RBFOX3: variants seen among roughly 807,000 people sequenced by gnomAD.
The protein encoded by RBFOX3 is RNA binding protein fox-1 homolog 3.
In RBFOX3, 17 loss-of-function variants were observed where a neutral mutation model predicts 48.7. That is an observed-to-expected ratio of 0.35 (90% confidence interval 0.24 to 0.52). The LOEUF is 0.52. Ranked by LOEUF, RBFOX3 falls within the 20% of genes least tolerant of loss-of-function variation. The pLI is 0.94. For missense variants in RBFOX3, 382 were observed against 497.5 expected, an observed-to-expected ratio of 0.77 and a Z score of 2.21; for synonymous variants, 212 against 209.5, an observed-to-expected ratio of 1.01 and a Z score of -0.10.
intron 4 of RBFOX3, among the ~76,000 whole-genome samples, chr17:79,131,349 G>A (rs1568190489): frequency 6.6e-6 from 1 of 152,246 alleles, no homozygotes; most frequent in African/African-American, 2.4e-5. Flanking sequence ...TAGAGCGTCT[G>A]TGCTTCTGGA....
intron 4 of RBFOX3, among the ~76,000 whole-genome samples, chr17:79,168,290 C>A (rs562504512): frequency 1.4e-4 from 21 of 152,236 alleles, no homozygotes; most frequent in Non-Finnish European, 2.2e-4. Flanking sequence ...ATACTTCCAA[C>A]CCTAAATTAA....
chr17:79,197,327 T>G (rs2055815267), intron 4 of RBFOX3, among the ~76,000 whole-genome samples: 1 of 151,692 alleles, frequency 6.6e-6, no homozygotes, highest in African/African-American at 2.4e-5. Flanking sequence ...ACACTGCCAT[T>G]CACTGCACTC....
chr17:79,183,906 C>T (rs2052800428), intron 4 of RBFOX3, among the ~76,000 whole-genome samples: 1 of 152,192 alleles, frequency 6.6e-6, no homozygotes, highest in East Asian at 1.9e-4. Flanking sequence ...CTGCGCGCCC[C>T]TCCTCCCCCC....
At chr17:79,588,043 T>A (rs2093309105) in intron 1 of RBFOX3, among the ~76,000 whole-genome samples, 1 of 152,172 alleles carries the variant, frequency 6.6e-6, no homozygotes, top group African/African-American at 2.4e-5. Flanking sequence ...CTCACTATAT[T>A]GCTGGACTTG....
chr17:79,410,357 T>C (rs1189152223), intron 2 of RBFOX3, among the ~76,000 whole-genome samples: 2 of 152,212 alleles, frequency 1.3e-5, no homozygotes, highest in African/African-American at 2.4e-5. Flanking sequence ...GCAGGCAGAG[T>C]TCCAGGTCAG....
chr17:79,594,199 G>A, intron 1 of RBFOX3, among the ~76,000 whole-genome samples: 1 of 152,128 alleles, frequency 6.6e-6, no homozygotes, highest in East Asian at 1.9e-4. Context: ...TCAGAGCTAA[G>A]GGCTGAGACG....
At chr17:79,209,652 T>G (rs1008491555) in intron 4 of RBFOX3, among the ~76,000 whole-genome samples, 1 of 152,144 alleles carries the variant, frequency 6.6e-6, no homozygotes, top group African/African-American at 2.4e-5. Flanking sequence ...CGAGGTTGCC[T>G]GCAGAGACAC....
rs118139409 is a variant in RBFOX3 at position 79,214,406 on chromosome 17, G to A, written c.-34+21360C>T. Among the ~76,000 whole-genome samples, 941 of 152,336 alleles carry A rather than the reference G, an allele frequency of 6.2e-3. 5 individuals carry two copies. The highest frequency in any genetic ancestry group is 0.017 in the Middle Eastern group (5 of 294). ...CTCCCGCCCGCAGGTCCAGCAACCAGGGAGGGTGGGGGCTCTCTTCTTGAG... is the reference window on the plus strand; with the variant it reads ...CTCCCGCCCGCAGGTCCAGCAACCAAGGAGGGTGGGGGCTCTCTTCTTGAG... On this transcript the variant is annotated intron_variant, in intron 4 of 14. Transcript: ENST00000693108. The surrounding 1 kb of genome is among the most constrained non-coding windows in gnomAD (Gnocchi z 4.7).
At chr17:79,133,557 T>C (rs1461874246) in intron 4 of RBFOX3, among the ~76,000 whole-genome samples, 3 of 152,202 alleles carry the variant, frequency 2.0e-5, no homozygotes, top group African/African-American at 7.2e-5. Flanking sequence ...GGTGTCCAAA[T>C]ACCTCCTCTG....
intron 5 of RBFOX3, among the ~76,000 whole-genome samples, chr17:79,114,104 G>A (rs2033068604): frequency 6.6e-6 from 1 of 152,206 alleles, no homozygotes; most frequent in South Asian, 2.1e-4. Flanking sequence ...GAGCAGATAA[G>A]CTGTGTCTAC....
intron 1 of RBFOX3, among the ~76,000 whole-genome samples, chr17:79,565,093 G>C (rs1394658617): frequency 6.7e-6 from 1 of 149,678 alleles, no homozygotes; most frequent in Non-Finnish European, 1.5e-5. Flanking sequence ...GTAAAAACAG[G>C]GTACAGACTA....
the RBFOX3 span, among the ~76,000 whole-genome samples, chr17:79,662,944 A>G: frequency 6.6e-6 from 1 of 152,114 alleles, no homozygotes; most frequent in Non-Finnish European, 1.5e-5. Flanking sequence ...ACCAAAGTAC[A>G]AACAAGGAAT....
At chr17:79,105,231 A>G (rs1478936337) in intron 6 of RBFOX3, among the ~76,000 whole-genome samples, 2 of 152,232 alleles carry the variant, frequency 1.3e-5, no homozygotes, top group African/African-American at 2.4e-5. Flanking sequence ...AGAGGGGGAC[A>G]GTAACCTCCG....
At position 79,205,827 on chromosome 17, in the gene RBFOX3, A is replaced by G. The variant is rs2057400951; in HGVS notation, c.-34+29939T>C. Among the ~76,000 whole-genome samples the G allele has an allele frequency of 7.7e-6, 1 of 130,620 alleles. No homozygotes were observed. Among genetic ancestry groups the G allele is most frequent in the South Asian group, 2.8e-4 (1 of 3,590 alleles). The allele number at this position is 130,620 out of a possible 152,430, so 85.7% of individuals were successfully genotyped here. A position where few individuals can be genotyped will look rare whatever the true frequency, so the allele number is the denominator to read the frequency against. ...TCCAGTCCATGTCCATAAAGAGTCA[A>G]AAGCAGTTGGCTTTTTTTTTTTTTT... On this transcript the variant is annotated intron_variant, in intron 4 of 14. Transcript: ENST00000693108. The surrounding 1 kb of genome is among the most constrained non-coding windows in gnomAD (Gnocchi z 4.5).
At chr17:79,292,231 G>T (rs1238653238) in intron 3 of RBFOX3, among the ~76,000 whole-genome samples, 1 of 152,150 alleles carries the variant, frequency 6.6e-6, no homozygotes, top group Non-Finnish European at 1.5e-5. Context: ...AGCTTCAGGT[G>T]AGGACTAAGA....
At chr17:79,419,790 G>A (rs1219332113) in intron 2 of RBFOX3, among the ~76,000 whole-genome samples, 1 of 152,210 alleles carries the variant, frequency 6.6e-6, no homozygotes, top group Non-Finnish European at 1.5e-5. Flanking sequence ...GCGCCCTGGT[G>A]TCTTGGCATC....
intron 2 of RBFOX3, among the ~76,000 whole-genome samples, chr17:79,310,735 C>T (rs2076736893): frequency 6.6e-6 from 1 of 152,210 alleles, no homozygotes; most frequent in Non-Finnish European, 1.5e-5. Flanking sequence ...ACAAGTCACC[C>T]CCAGCGCTGC....
intron 8 of RBFOX3, among the ~76,000 whole-genome samples, chr17:79,102,525 G>T (rs1050516269): frequency 6.6e-6 from 1 of 152,228 alleles, no homozygotes; most frequent in African/African-American, 2.4e-5. Flanking sequence ...AGACACCCAG[G>T]CCGCAGCAAG....
At chr17:79,333,410 A>G (rs1400197998) in intron 2 of RBFOX3, among the ~76,000 whole-genome samples, 3 of 152,154 alleles carry the variant, frequency 2.0e-5, no homozygotes, top group Non-Finnish European at 4.4e-5. Context: ...CATCCCTTCA[A>G]TCAATACCTG....
Sources: gnomAD v4.1 joint callset for allele counts (sites outside exome capture counted in the v4.1 genomes callset) on GRCh38, gnomAD v4.1.1 for gene constraint, Gnocchi (gnomAD v3.1) non-coding constraint, MANE v1.5 for transcripts, NCBI Gene and HGNC (gene_info 2026-07-23, HGNC 2026-07-21) for gene names.